The following ADGRV1 variants were observed in gnomAD, a reference collection of about 807,000 sequenced individuals.
ADGRV1 encodes adhesion G protein-coupled receptor V1.
A neutral mutation model predicts 596.2 loss-of-function variants in ADGRV1; 359 were observed. The ratio of observed to expected loss-of-function variants is 0.60; its 90% CI spans 0.55 to 0.66. The LOEUF (loss-of-function observed/expected upper bound fraction) is 0.66, where lower values mean the gene tolerates loss of function less well. ADGRV1 is among the 30% of genes least tolerant of loss of function. The pLI is 0.00. For missense variants in ADGRV1, 7,274 were observed against 7,575.6 expected, an observed-to-expected ratio of 0.96 and a Z score of 1.48; for synonymous variants, 2,681 against 2,679.2, an observed-to-expected ratio of 1.00 and a Z score of -0.02.
intron 1 of ADGRV1, among the ~76,000 whole-genome samples, chr5:90,580,665 ACTT>A (rs1314576731): frequency 6.6e-6 from 1 of 152,004 alleles, no homozygotes; most frequent in Non-Finnish European, 1.5e-5. Context: ...AGTCCGATGG[ACTT>A]CCCTTTGTGG....
chr5:91,015,805 G>A (rs187212754), intron 85 of ADGRV1, among the ~76,000 whole-genome samples: 77 of 151,926 alleles, frequency 5.1e-4, no homozygotes, highest in African/African-American at 1.8e-3. Context: ...GTACAATTGG[G>A]GCTTGCTTTT....
intron 86 of ADGRV1, among the ~76,000 whole-genome samples, chr5:91,101,564 A>T (rs760043203): frequency 6.6e-6 from 1 of 152,220 alleles, no homozygotes; most frequent in Non-Finnish European, 1.5e-5. Flanking sequence ...AGAAAACTCA[A>T]AATAGACAAG....
At chr5:90,623,962 G>C (rs1326298707) in intron 5 of ADGRV1, among the ~76,000 whole-genome samples, 2 of 151,942 alleles carry the variant, frequency 1.3e-5, no homozygotes, top group East Asian at 3.9e-4. Context: ...TGTTTTTTAG[G>C]ATCCACAACA....
At chr5:90,602,345 G>A (rs1761515063) in intron 1 of ADGRV1, among the ~76,000 whole-genome samples, 1 of 152,206 alleles carries the variant, frequency 6.6e-6, no homozygotes, top group African/African-American at 2.4e-5. Flanking sequence ...AAAGTAGTTG[G>A]TATGGAAAAG....
chr5:90,562,832 C>CT (rs1261116674), intron 1 of ADGRV1, among the ~76,000 whole-genome samples: 1 of 152,168 alleles, frequency 6.6e-6, no homozygotes. Context: ...ATAGCTCTTT[C>CT]TGTATGCATT....
At chr5:90,628,358 G>T (rs75678284) in intron 7 of ADGRV1, among the ~76,000 whole-genome samples, 1 of 152,214 alleles carries the variant, frequency 6.6e-6, no homozygotes, top group East Asian at 1.9e-4. Context: ...GTTGTAGTGA[G>T]CTCTGATCAC....
intron 44 of ADGRV1, 44 bp downstream of exon 44, chr5:90,720,267 G>A (rs1421780981): frequency 2.5e-6 from 3 of 1,216,168 alleles, no homozygotes; most frequent in East Asian, 4.9e-5. Flanking sequence ...GAAGCTATAA[G>A]TAGGGAATAT....
chr5:90,613,605 A>G (rs1399851419), intron 1 of ADGRV1, among the ~76,000 whole-genome samples: 4 of 151,994 alleles, frequency 2.6e-5, no homozygotes, highest in East Asian at 1.9e-4. Context: ...GGAAGTCCCA[A>G]TCCTTCAGCA....
chr5:90,666,471 A>AT lies in ADGRV1; in HGVS notation c.4753-6071dup, dbSNP rs777902029. Among the ~76,000 whole-genome samples, 14 of 151,418 alleles carry AT rather than the reference A, an allele frequency of 9.2e-5. No homozygotes were observed. In the East Asian group the frequency reaches 2.1e-3, roughly 23 times the overall value. ...TTTTTGTTTTCCATTTGCTTGGTAG[A>AT]TTTTCCTCAATCTTTTTATTTTGAG... is the stretch of plus-strand genomic sequence containing the variant. On this transcript the variant is annotated intron_variant, in intron 21 of 89. Transcript: ENST00000405460.
In ADGRV1 at chr5:90,689,097, T is replaced by C. The variant is rs62375131; in HGVS notation, c.6491-764T>C. 9.2e-4 allele frequency among the ~76,000 whole-genome samples: 140 copies of C among 152,278 alleles called. 2 individuals carry two copies. The highest frequency in any genetic ancestry group is 1.0e-3 in the Non-Finnish European group (70 of 68,022). On this transcript the variant is annotated intron_variant, in intron 29 of 89. Coordinates refer to ENST00000405460, the MANE Select transcript of ADGRV1 (RefSeq NM_032119.4). ...GCTTTCAGAGGAACAGGAATGTGAA[T>C]GGATGGGATACTGTGCTTGATTTAA...
chr5:90,848,232 T>C (rs1199492362), intron 78 of ADGRV1, among the ~76,000 whole-genome samples: 1 of 152,194 alleles, frequency 6.6e-6, no homozygotes, highest in Non-Finnish European at 1.5e-5. Flanking sequence ...TTTGCCACTA[T>C]TATAAACAAA....
intron 62 of ADGRV1, 114 bp from the exon 63 acceptor site, chr5:90,778,313 G>A: frequency 1.1e-6 from 1 of 931,596 alleles, no homozygotes; most frequent in Non-Finnish European, 1.6e-6. Context: ...GGGATTAAGA[G>A]TGGGAATGAG....
intron 1 of ADGRV1, among the ~76,000 whole-genome samples, chr5:90,597,519 C>T (rs17613704): frequency 0.014 from 2,136 of 152,250 alleles, 16 homozygotes; most frequent in Middle Eastern, 0.024. Flanking sequence ...TTGGTTGGAA[C>T]TTAAATGAAA....
chr5:90,704,284 G>T (rs1458822288), intron 35 of ADGRV1, 105 bp from the exon 36 acceptor site: 2 of 725,612 alleles, frequency 2.8e-6, no homozygotes, highest in Non-Finnish European at 4.5e-6. Flanking sequence ...TTGTTTAAAT[G>T]AAAATATATT....
intron 85 of ADGRV1, among the ~76,000 whole-genome samples, chr5:91,000,668 C>CTGTGTGTG (rs6149110): frequency 0.04 from 5,624 of 141,170 alleles, 137 homozygotes; most frequent in African/African-American, 0.058. Flanking sequence ...CTTACAGGAT[C>CTGTGTGTG]TGTGTGTGTG....
At chr5:90,661,750 TA>T (rs1264251284) in intron 21 of ADGRV1, among the ~76,000 whole-genome samples, 5 of 152,218 alleles carry the variant, frequency 3.3e-5, no homozygotes, top group Admixed American at 6.5e-5. Flanking sequence ...GTTTGATGAT[TA>T]TTATGGATGT....
intron 65 of ADGRV1, among the ~76,000 whole-genome samples, chr5:90,782,497 A>G (rs1033007026): frequency 4.6e-5 from 7 of 152,136 alleles, no homozygotes; most frequent in Admixed American, 4.6e-4. Context: ...AGCCATAGCT[A>G]ATGTGAGCCC....
intron 76 of ADGRV1, among the ~76,000 whole-genome samples, chr5:90,826,358 A>T (rs935306589): frequency 1.3e-5 from 2 of 152,186 alleles, no homozygotes; most frequent in South Asian, 2.1e-4. Context: ...CAAAGGAAAG[A>T]CATCAGTTAC....
intron 86 of ADGRV1, among the ~76,000 whole-genome samples, chr5:91,084,159 C>G (rs565096886): frequency 6.6e-6 from 1 of 152,212 alleles, no homozygotes; most frequent in East Asian, 1.9e-4. Flanking sequence ...AACCTCCCTT[C>G]CTTCCACCCT....
Sources: gnomAD v4.1 joint callset for allele counts (sites outside exome capture counted in the v4.1 genomes callset) on GRCh38, gnomAD v4.1.1 for gene constraint, MANE v1.5 for transcripts, NCBI Gene and HGNC (gene_info 2026-07-23, HGNC 2026-07-21) for gene names.